CRLF3: variants seen among roughly 807,000 people sequenced by gnomAD.
The protein encoded by CRLF3 is cytokine receptor-like factor 3.
Under a neutral mutation model 55.0 loss-of-function variants are expected in CRLF3, and 33 were observed. That is an observed-to-expected ratio of 0.60 (90% confidence interval 0.46 to 0.80). The LOEUF (loss-of-function observed/expected upper bound fraction) is 0.80, where lower values mean the gene tolerates loss of function less well. Ranked by LOEUF, CRLF3 falls within the 30% of genes least tolerant of loss-of-function variation. CRLF3 has a pLI of 0.00. For synonymous variants in CRLF3, 238 were observed against 196.8 expected (o/e 1.21, Z -1.75); for missense variants, 494 against 538.4 (o/e 0.92, Z 0.82).
intron 6 of CRLF3, among the ~76,000 whole-genome samples, chr17:30,788,052 G>C (rs952068203): frequency 6.6e-6 from 1 of 151,794 alleles, no homozygotes; most frequent in Admixed American, 6.6e-5. Context: ...AAATAGGCCG[G>C]GTGCAGTGGC....
intron 1 of CRLF3, among the ~76,000 whole-genome samples, chr17:30,817,955 G>A (rs1904859551): frequency 6.8e-6 from 1 of 147,686 alleles, no homozygotes. Context: ...GTAAGTAGTA[G>A]GTTATTTTAA....
chr17:30,784,200 A>G lies in CRLF3; in HGVS notation c.1316T>C (p.Val439Ala). The G allele has an allele frequency of 1.9e-6, 3 of 1,613,660 alleles. No individual in the cohort carries two copies. Among genetic ancestry groups the G allele is most frequent in the Non-Finnish European group, 2.5e-6 (3 of 1,179,888 alleles). The change falls in exon 8 of 8, where the codon GTG (valine) becomes GCG (alanine). Residue 439 changes from valine to alanine, a missense_variant. Coordinates refer to ENST00000324238, the MANE Select transcript of CRLF3 (RefSeq NM_015986.4). The part of the protein sequence containing the change: ...GCSFFYPGWK[V>A]LVF Reference sequence around the variant, plus strand: ...GCACCCAAACATCTAAAACACTAACACTTTCCATCCAGGATAGAAAAATGA... The same window carrying G: ...GCACCCAAACATCTAAAACACTAACGCTTTCCATCCAGGATAGAAAAATGA...
At chr17:30,786,163 A>T in intron 6 of CRLF3, 132 bp from the exon 7 acceptor site, 2 of 609,562 alleles carry the variant, frequency 3.3e-6, no homozygotes, top group Non-Finnish European at 5.8e-6. Context: ...ACCATGATTG[A>T]GTTCTTGCTA....
chr17:30,823,839 T>C (rs962732563), intron 1 of CRLF3, among the ~76,000 whole-genome samples: 2 of 152,176 alleles, frequency 1.3e-5, no homozygotes, highest in Non-Finnish European at 2.9e-5. Context: ...TCTATACCTT[T>C]GTATTCCCTC....
chr17:30,824,505 TGG>T lies in CRLF3; in HGVS notation c.129+16_129+17del. 6.3e-7 allele frequency: 1 copy of T among 1,578,768 alleles called. No individual in the cohort carries two copies. The highest frequency in any genetic ancestry group is 8.6e-7 in the Non-Finnish European group (1 of 1,168,222). On this transcript the variant is annotated intron_variant, in intron 1 of 7. Transcript: ENST00000324238. ...CACCCCCGGGCCCACAGCGCCCCTGTGGGTGTGGCCCTCCGACCTGCCTCCGC... is the reference window on the plus strand; with the variant it reads ...CACCCCCGGGCCCACAGCGCCCCTGTGTGTGGCCCTCCGACCTGCCTCCGC...
Position 30,783,652 on chromosome 17 carries a change from CTTAAAGA to C in CRLF3, c.*528_*534del, listed in dbSNP as rs1175959181. 4 of 152,184 alleles carry C rather than the reference CTTAAAGA, an allele frequency of 2.6e-5. No homozygotes were observed. The highest frequency in any genetic ancestry group is 9.7e-5 in the African/African-American group (4 of 41,386). The allele number at this position is 152,184 out of a possible 1,614,324, so 9.4% of individuals were successfully genotyped here. On this transcript the variant is annotated 3_prime_UTR_variant, in exon 8 of 8. Coordinates refer to ENST00000324238, the MANE Select transcript of CRLF3 (RefSeq NM_015986.4). ...AGAAAAAGTTATAATGTTTTGGGGA[CTTAAAGA>C]TTACTGAAGAGGGGATAAAAGTCAA... is the stretch of plus-strand genomic sequence containing the variant.
At chr17:30,818,119 G>A (rs996913290) in intron 1 of CRLF3, among the ~76,000 whole-genome samples, 1 of 151,740 alleles carries the variant, frequency 6.6e-6, no homozygotes, top group African/African-American at 2.4e-5. Context: ...AATTAGCTGG[G>A]CGTGGTGGCG....
At chr17:30,802,161 C>T (rs1972015264) in intron 2 of CRLF3, among the ~76,000 whole-genome samples, 1 of 152,090 alleles carries the variant, frequency 6.6e-6, no homozygotes, top group South Asian at 2.1e-4. Flanking sequence ...CTCACTCTGT[C>T]ACCCAGGCTG....
At chr17:30,817,778 C>G (rs957008069) in intron 1 of CRLF3, among the ~76,000 whole-genome samples, 1 of 150,906 alleles carries the variant, frequency 6.6e-6, no homozygotes, top group Non-Finnish European at 1.5e-5. Flanking sequence ...TGGTGGCAGG[C>G]GCCTGTAGTC....
chr17:30,797,562 A>C (rs9911784), intron 2 of CRLF3, among the ~76,000 whole-genome samples, 164 bp from the exon 3 acceptor site: 19,319 of 152,092 alleles, frequency 0.13, 1,290 homozygotes, highest in South Asian at 0.25. Context: ...TTTAGACGTG[A>C]CTCTAAGATC....
At position 30,793,452 on chromosome 17, in the gene CRLF3, T is replaced by C. The variant is rs751988966; in HGVS notation, c.824A>G (p.His275Arg). ...GAGAGAAAAGGTTAGCAGCATACCA[T>C]GAGGCACCAATGTGGAATGACCTAT... Reference protein sequence around the residue: ...PQIGHSTLVPHEWTAGFEGYS... With the variant: ...PQIGHSTLVPREWTAGFEGYS... The change falls in exon 5 of 8, where the codon CAT becomes CGT. Residue 275 changes from histidine to arginine, a missense_variant and splice_region_variant. Coordinates refer to ENST00000324238, the MANE Select transcript of CRLF3 (RefSeq NM_015986.4). 1.2e-6 allele frequency: 2 copies of C among 1,612,820 alleles called. No homozygotes were observed. Among genetic ancestry groups the C allele is most frequent in the Non-Finnish European group, 1.7e-6 (2 of 1,178,880 alleles).
intron 2 of CRLF3, among the ~76,000 whole-genome samples, chr17:30,802,432 CTTATT>C (rs1385398165): frequency 5.9e-5 from 8 of 135,790 alleles, no homozygotes; most frequent in Non-Finnish European, 1.1e-4. Context: ...TATTCTTAGT[CTTATT>C]TTATATTTTT....
At chr17:30,796,481 T>G in intron 3 of CRLF3, 144 bp from the exon 4 acceptor site, 1 of 573,240 alleles carries the variant, frequency 1.7e-6, no homozygotes, top group Non-Finnish European at 3.0e-6. Context: ...TGCAAGATGT[T>G]ACACAAAGAT....
intron 4 of CRLF3, 28 bp downstream of exon 4, chr17:30,796,132 G>T: frequency 6.5e-7 from 1 of 1,538,604 alleles, no homozygotes; most frequent in South Asian, 1.3e-5. Context: ...TAATGTGGAA[G>T]TCATTTCTAG....
intron 2 of CRLF3, among the ~76,000 whole-genome samples, chr17:30,799,432 C>A (rs967755337): frequency 1.1e-4 from 17 of 152,086 alleles, no homozygotes; most frequent in Non-Finnish European, 2.2e-4. Context: ...AATCACAGCT[C>A]ACTGCAACCT....
Position 30,785,812 on chromosome 17 carries a change from C to T in CRLF3, c.1072+107G>A, listed in dbSNP as rs1247529179. The stretch of plus-strand genomic sequence containing the variant: ...AAAAAAAAAAGAAAAAGAAAAATAC[C>T]TAAATTTTCTCATCTCCTACTATAA... On this transcript the variant is annotated intron_variant, in intron 7 of 7. Coordinates refer to ENST00000324238, the MANE Select transcript of CRLF3 (RefSeq NM_015986.4). The T allele has an allele frequency of 7.0e-6, 4 of 573,944 alleles. No homozygotes were observed. The African/African-American group carries it at 7.9e-5, about 11-fold the overall frequency. The allele number at this position is 573,944 out of a possible 1,614,324, so 35.6% of individuals were successfully genotyped here. A position where few individuals can be genotyped will look rare whatever the true frequency, so the allele number is the denominator to read the frequency against.
At chr17:30,787,527 T>C (rs1807552181) in intron 6 of CRLF3, 1 of 135,356 alleles carries the variant, frequency 7.4e-6, no homozygotes, top group African/African-American at 2.8e-5. Context: ...AAGCCAACTT[T>C]GCAAGGACAA....
intron 6 of CRLF3, among the ~76,000 whole-genome samples, chr17:30,788,540 C>T (rs1205734980): frequency 6.6e-6 from 1 of 150,680 alleles, no homozygotes; most frequent in Non-Finnish European, 1.5e-5. Context: ...TTCAGCAGCT[C>T]CAAGCCTTCC....
At chr17:30,795,605 G>A (rs1167700087) in intron 4 of CRLF3, among the ~76,000 whole-genome samples, 1 of 151,082 alleles carries the variant, frequency 6.6e-6, no homozygotes, top group African/African-American at 2.4e-5. Context: ...AGGTTGCATC[G>A]CTGCACTCCA....
Sources: allele counts gnomAD v4.1 joint callset (sites outside exome capture counted in the v4.1 genomes callset), GRCh38; gene constraint gnomAD v4.1.1; transcripts MANE v1.5; gene names NCBI Gene and HGNC (gene_info 2026-07-23, HGNC 2026-07-21).